The following PSME4 variants were observed in gnomAD, a reference collection of about 807,000 sequenced individuals.
PSME4 encodes the protein proteasome activator complex subunit 4.
In PSME4, 89 loss-of-function variants were observed where a neutral mutation model predicts 253.9. That is an observed-to-expected ratio of 0.35 (90% CI 0.30 to 0.42). The LOEUF (loss-of-function observed/expected upper bound fraction) is 0.42, where lower values mean the gene tolerates loss of function less well. PSME4 is among the 10% of genes least tolerant of loss of function. The pLI is 1.00. For synonymous variants in PSME4, 851 were observed against 759.2 expected (o/e 1.12, Z -1.99); for missense variants, 2,014 against 2,195.2 (o/e 0.92, Z 1.65).
rs759876050 is a variant in PSME4, at chr2:53,887,423, G to T, written c.4565C>A (p.Thr1522Asn). ...GACATGAGGCGATATGGTTGGTGTG[G>T]TATTTGGCAAAGATACATCTATCAT... is the stretch of plus-strand genomic sequence containing the variant. Reference protein sequence around the residue: ...IFMIDVSLPNTTPTISPHVPE... With the variant: ...IFMIDVSLPNNTPTISPHVPE... Residue 1522 changes from threonine to asparagine, a missense_variant, in exon 40 of 47, where the codon ACC becomes AAC. Physicochemically the swap from Thr to Asn is moderately conservative, Grantham distance 65. This residue lies in a region of PSME4 where 403 missense variants were observed against 556.1 expected (regional missense o/e 0.72). Transcript: ENST00000404125. The T allele has an allele frequency of 1.9e-6, 3 of 1,613,900 alleles. No homozygotes were observed. Among genetic ancestry groups the T allele is most frequent in the African/African-American group, 1.3e-5 (1 of 75,008 alleles).
At chr2:53,952,577 G>T (rs193275540) in intron 1 of PSME4, among the ~76,000 whole-genome samples, 1 of 152,170 alleles carries the variant, frequency 6.6e-6, no homozygotes, top group Admixed American at 6.5e-5. Context: ...GATGCCCCTG[G>T]AGTCATGCAT....
chr2:53,884,677 G>A (rs1192787687), intron 41 of PSME4, among the ~76,000 whole-genome samples: 1 of 152,242 alleles, frequency 6.6e-6, no homozygotes. Context: ...ATTTATGAAT[G>A]TTCTATATCC....
chr2:53,931,436 A>T (rs772554630), intron 10 of PSME4, among the ~76,000 whole-genome samples: 3 of 152,234 alleles, frequency 2.0e-5, no homozygotes, highest in Non-Finnish European at 4.4e-5. Context: ...TATATAATAC[A>T]TGAAAATAAT....
chr2:53,915,463 G>A (rs1668016529), intron 20 of PSME4, among the ~76,000 whole-genome samples: 1 of 151,762 alleles, frequency 6.6e-6, no homozygotes, highest in Non-Finnish European at 1.5e-5. Context: ...CTGGTGTGGT[G>A]GCTCACACCT....
intron 14 of PSME4, 41 bp downstream of exon 14, chr2:53,925,498 C>T (rs1668522503): frequency 6.9e-7 from 1 of 1,458,472 alleles, no homozygotes; most frequent in African/African-American, 1.4e-5. Context: ...TCAAATGAAA[C>T]TTAAAAGCTG....
At chr2:53,895,789 T>A in intron 32 of PSME4, 53 bp from the exon 33 acceptor site, 1 of 1,465,364 alleles carries the variant, frequency 6.8e-7, no homozygotes, top group Non-Finnish European at 9.2e-7. Context: ...GCCCAACAAT[T>A]ATTACCAAAT....
intron 40 of PSME4, among the ~76,000 whole-genome samples, chr2:53,886,625 G>A (rs1679650650): frequency 6.6e-6 from 1 of 152,210 alleles, no homozygotes; most frequent in Non-Finnish European, 1.5e-5. Flanking sequence ...TGCAGCTGCT[G>A]CAGAGAAGAG....
chr2:53,887,583 CT>C, intron 39 of PSME4, 116 bp from the exon 40 acceptor site: 1 of 1,001,220 alleles, frequency 1.0e-6, no homozygotes, highest in Non-Finnish European at 1.5e-6. Flanking sequence ...TGGAGTGGGT[CT>C]TAGATTATGC....
At chr2:53,943,708 G>A (rs955635798) in intron 3 of PSME4, among the ~76,000 whole-genome samples, 28 of 151,852 alleles carry the variant, frequency 1.8e-4, no homozygotes, top group African/African-American at 6.5e-4. Flanking sequence ...TGGGTGTGGT[G>A]GCGCACACCT....
intron 20 of PSME4, among the ~76,000 whole-genome samples, chr2:53,916,743 T>C (rs1054050673): frequency 1.3e-5 from 2 of 152,118 alleles, no homozygotes; most frequent in African/African-American, 2.4e-5. Flanking sequence ...TAACCATCTG[T>C]TAAAAAAAAG....
chr2:53,932,384 C>T (rs1484844350), intron 9 of PSME4, among the ~76,000 whole-genome samples: 1 of 152,100 alleles, frequency 6.6e-6, no homozygotes, highest in African/African-American at 2.4e-5. Context: ...ACAACAAAAA[C>T]AGATGACAGG....
intron 7 of PSME4, among the ~76,000 whole-genome samples, chr2:53,935,773 T>C (rs529672914): frequency 6.6e-6 from 1 of 152,192 alleles, no homozygotes; most frequent in Non-Finnish European, 1.5e-5. Context: ...CTGTAAATTA[T>C]TTATATATGT....
At chr2:53,909,500 C>T (rs1302789667) in intron 21 of PSME4, among the ~76,000 whole-genome samples, 1 of 152,018 alleles carries the variant, frequency 6.6e-6, no homozygotes, top group Non-Finnish European at 1.5e-5. Flanking sequence ...TATATAAAAG[C>T]CTACCTCTGT....
intron 41 of PSME4, among the ~76,000 whole-genome samples, chr2:53,876,647 T>A (rs1356605819): frequency 1.3e-5 from 2 of 151,324 alleles, no homozygotes; most frequent in African/African-American, 4.9e-5. Context: ...CCTCCAAAAG[T>A]AGATAAGAAT....
In PSME4 at chr2:53,901,362, G is replaced by A; in HGVS notation, c.3273C>T (p.Gly1091=). Reference sequence around the variant, plus strand: ...TGATATTGCTTACTGTGAAGTCCAAGCCAATTGTTTCATACTGCCTATGAA... The same window carrying A: ...TGATATTGCTTACTGTGAAGTCCAAACCAATTGTTTCATACTGCCTATGAA... The part of the protein sequence containing the change: ...EKIHRQYETI[G]LDFTIPKSCV... Residue 1091 remains glycine, a synonymous_variant, in exon 28 of 47, where the codon GGC becomes GGT. Coordinates refer to ENST00000404125, the MANE Select transcript of PSME4 (RefSeq NM_014614.3). The A allele has an allele frequency of 6.2e-7, 1 of 1,612,560 alleles. No homozygotes were observed. The highest frequency in any genetic ancestry group is 8.5e-7 in the Non-Finnish European group (1 of 1,178,564).
Position 53,921,025 on chromosome 2 carries a change from G to T in PSME4, c.2126C>A (p.Thr709Asn). 6.2e-7 allele frequency: 1 copy of T among 1,614,106 alleles called. No homozygotes were observed. The highest frequency in any genetic ancestry group is 8.5e-7 in the Non-Finnish European group (1 of 1,179,996). ...AGACAGAGTGTAACCCTGCTTACAG[G>T]TTAAATGTAGGGTTCTTTGGAGAAT... Reference protein sequence around the residue: ...VKILQRTLHLTCKQGYTLSCN... With the variant: ...VKILQRTLHLNCKQGYTLSCN... Residue 709 changes from threonine to asparagine, a missense_variant, in exon 18 of 47, where the codon ACC (threonine) becomes AAC (asparagine). Coordinates refer to ENST00000404125, the MANE Select transcript of PSME4 (RefSeq NM_014614.3).
intron 19 of PSME4, among the ~76,000 whole-genome samples, chr2:53,919,930 C>T (rs900638640): frequency 2.9e-4 from 44 of 152,168 alleles, no homozygotes; most frequent in African/African-American, 9.9e-4. Flanking sequence ...TCTACACACA[C>T]CTTCCAAAAG....
chr2:53,904,929 A>C (rs1015778207), intron 26 of PSME4, among the ~76,000 whole-genome samples: 22 of 149,488 alleles, frequency 1.5e-4, no homozygotes, highest in African/African-American at 5.1e-4. Context: ...CGGAGGTTGC[A>C]GTGAACCAAG....
chr2:53,964,663 C>T (rs185295284), intron 1 of PSME4, among the ~76,000 whole-genome samples: 6 of 152,326 alleles, frequency 3.9e-5, no homozygotes, highest in African/African-American at 1.4e-4. Flanking sequence ...GTGCCTCATA[C>T]CAGACAATGC....
Sources: allele counts gnomAD v4.1 joint callset (sites outside exome capture counted in the v4.1 genomes callset), GRCh38; gene constraint gnomAD v4.1.1; regional missense constraint gnomAD v4.1.1; transcripts MANE v1.5; gene names NCBI Gene and HGNC (gene_info 2026-07-23, HGNC 2026-07-21).